The following TNS3 variants were observed in gnomAD, a reference collection of about 807,000 sequenced individuals.
TNS3 encodes the protein tensin 3.
TNS3 carries 45 observed loss-of-function variants against 140.9 expected under a neutral mutation model. That is an observed-to-expected ratio of 0.32 (90% CI 0.25 to 0.41). The LOEUF is 0.41. Ranked by LOEUF, TNS3 falls within the 10% of genes least tolerant of loss-of-function variation. TNS3 has a pLI of 1.00. For synonymous variants in TNS3, 815 were observed against 788.4 expected (o/e 1.03, Z -0.56); for missense variants, 1,716 against 1,906.7 (o/e 0.90, Z 1.86).
chr7:47,505,783 GTGTT>G (rs1275816095), intron 3 of TNS3, among the ~76,000 whole-genome samples: 4 of 152,222 alleles, frequency 2.6e-5, no homozygotes, highest in Non-Finnish European at 4.4e-5. Context: ...GAGCACAAAT[GTGTT>G]TGTGTGCATG....
At chr7:47,499,965 A>G (rs926738949) in intron 3 of TNS3, among the ~76,000 whole-genome samples, 1 of 152,170 alleles carries the variant, frequency 6.6e-6, no homozygotes, top group Non-Finnish European at 1.5e-5. Flanking sequence ...GTGTACATGT[A>G]AGCACGTGTG....
intron 2 of TNS3, among the ~76,000 whole-genome samples, chr7:47,513,478 T>C (rs1798675975): frequency 6.6e-6 from 1 of 152,190 alleles, no homozygotes; most frequent in Admixed American, 6.5e-5. Context: ...CCTAAAATAA[T>C]CTAATTTTTA....
chr7:47,297,287 T>G (rs1786089691), intron 23 of TNS3, 74 bp from the exon 24 acceptor site: 2 of 1,504,314 alleles, frequency 1.3e-6, no homozygotes, highest in South Asian at 2.6e-5. Flanking sequence ...TAACCTTGGG[T>G]AGGTCCTCTC....
chr7:47,434,309 GAA>G (rs34227350), intron 8 of TNS3, among the ~76,000 whole-genome samples: 1 of 130,724 alleles, frequency 7.6e-6, no homozygotes. Flanking sequence ...GAGTCCGGAA[GAA>G]AAAAAAAAAA....
chr7:47,406,026 C>T (rs1030828851), intron 13 of TNS3, among the ~76,000 whole-genome samples: 2 of 152,138 alleles, frequency 1.3e-5, no homozygotes, highest in Non-Finnish European at 2.9e-5. Context: ...CCCCTGGAGC[C>T]CTGCCAGACT....
chr7:47,512,580 T>G (rs1431837195), intron 2 of TNS3, among the ~76,000 whole-genome samples: 1 of 152,208 alleles, frequency 6.6e-6, no homozygotes, highest in African/African-American at 2.4e-5. Flanking sequence ...TATACAGCAC[T>G]CTGTGTTGTA....
At chr7:47,507,819 C>T (rs1798475547) in intron 2 of TNS3, among the ~76,000 whole-genome samples, 1 of 152,202 alleles carries the variant, frequency 6.6e-6, no homozygotes, top group South Asian at 2.1e-4. Flanking sequence ...GGTACATGCC[C>T]TCCCTTCCCC....
At chr7:47,424,296 G>A (rs1294424367) in intron 9 of TNS3, 112 bp from the exon 10 acceptor site, 2 of 979,446 alleles carry the variant, frequency 2.0e-6, no homozygotes, top group South Asian at 1.5e-5. Context: ...CCCACAAGGG[G>A]CTTCACCCTT....
chr7:47,357,732 C>G (rs916649673), intron 17 of TNS3, among the ~76,000 whole-genome samples: 1 of 149,194 alleles, frequency 6.7e-6, no homozygotes, highest in African/African-American at 2.4e-5. Context: ...AACGGGTAGG[C>G]GCCGGCAAAA....
At chr7:47,400,496 C>A (rs1554314603) in intron 14 of TNS3, 38 bp from the exon 15 acceptor site, 16 of 1,601,310 alleles carry the variant, frequency 1.0e-5, no homozygotes, top group Non-Finnish European at 1.4e-5. Flanking sequence ...TTTGTGGAGA[C>A]AATTAACCGG....
intron 1 of TNS3, among the ~76,000 whole-genome samples, chr7:47,553,625 A>G (rs191847357): frequency 6.6e-6 from 1 of 152,144 alleles, no homozygotes; most frequent in East Asian, 1.9e-4. Context: ...TACTGCTCAG[A>G]AAAAAAGAGA....
At chr7:47,408,566 C>G (rs1273788347) in intron 13 of TNS3, among the ~76,000 whole-genome samples, 1 of 152,166 alleles carries the variant, frequency 6.6e-6, no homozygotes, top group African/African-American at 2.4e-5. Flanking sequence ...GGTGATGCCG[C>G]AGGGTCACAT....
At position 47,380,294 on chromosome 7, in the gene TNS3, G is replaced by A. The variant is rs2151217901; in HGVS notation, c.1025-10673C>T. Among the ~76,000 whole-genome samples the A allele has an allele frequency of 1.3e-5, 2 of 152,358 alleles. 1 individual carries two copies. The highest frequency in any genetic ancestry group is 1.3e-4 in the Admixed American group (2 of 15,310). On this transcript the variant is annotated intron_variant, in intron 16 of 30. Transcript: ENST00000311160. ...CAGCAGGCGCCTATCTCAGGCCTCT[G>A]ACTGGGCAGCTCAGTTCCCTTTTGG...
intron 1 of TNS3, among the ~76,000 whole-genome samples, chr7:47,545,848 T>A (rs2151973307): frequency 6.6e-6 from 1 of 152,266 alleles, no homozygotes; most frequent in South Asian, 2.1e-4. Flanking sequence ...ACACTGCTCC[T>A]CAAATCCCCT....
rs184237034 is a variant in TNS3 at position 47,573,696 on chromosome 7, G to A, written c.-265+8355C>T. 7.0e-3 allele frequency among the ~76,000 whole-genome samples: 1,062 copies of A among 152,216 alleles called. 6 individuals are homozygous for A. The highest frequency in any genetic ancestry group is 0.024 in the South Asian group (117 of 4,814). ...TCCAGATAGAGCAACCCACCACCCC[G>A]TCTCTGGGCCTGCAGGCCTGCCCGG... On this transcript the variant is annotated intron_variant, in intron 1 of 30. Transcript: ENST00000311160.
chr7:47,385,442 G>A (rs1469790481), intron 16 of TNS3, among the ~76,000 whole-genome samples: 1 of 152,170 alleles, frequency 6.6e-6, no homozygotes, highest in Admixed American at 6.5e-5. Context: ...ACGGAGCTGT[G>A]CCATCCAATT....
intron 13 of TNS3, among the ~76,000 whole-genome samples, chr7:47,409,184 G>C (rs1793616539): frequency 6.6e-6 from 1 of 152,142 alleles, no homozygotes; most frequent in African/African-American, 2.4e-5. Flanking sequence ...CAGGGTGGGA[G>C]AGAAGAGAGG....
At chr7:47,426,401 G>A (rs1794652259) in intron 9 of TNS3, among the ~76,000 whole-genome samples, 1 of 152,336 alleles carries the variant, frequency 6.6e-6, no homozygotes, top group Non-Finnish European at 1.5e-5. Context: ...GTCGGGAAAT[G>A]ATGCATATAA....
chr7:47,488,755 C>A (rs1232985294), intron 3 of TNS3, among the ~76,000 whole-genome samples: 1 of 152,218 alleles, frequency 6.6e-6, no homozygotes, highest in Non-Finnish European at 1.5e-5. Context: ...CAGGTCGACA[C>A]AGAACGTTCT....
Sources: gnomAD v4.1 joint callset for allele counts (sites outside exome capture counted in the v4.1 genomes callset) on GRCh38, gnomAD v4.1.1 for gene constraint, MANE v1.5 for transcripts, NCBI Gene and HGNC (gene_info 2026-07-23, HGNC 2026-07-21) for gene names.